The following SLC25A21 variants were observed in gnomAD, a reference collection of about 807,000 sequenced individuals.
SLC25A21 encodes the protein mitochondrial 2-oxodicarboxylate carrier.
In SLC25A21, 47 loss-of-function variants were observed where a neutral mutation model predicts 43.8. The ratio of observed to expected loss-of-function variants is 1.07; its 90% CI spans 0.85 to 1.37. The LOEUF is 1.37. Ranked by LOEUF, SLC25A21 falls within the 40% of genes most tolerant of loss-of-function variation. The pLI is 0.00. For synonymous variants in SLC25A21, 131 were observed against 121.3 expected, an observed-to-expected ratio of 1.08 and a Z score of -0.52; for missense variants, 352 against 350.2, an observed-to-expected ratio of 1.00 and a Z score of -0.04.
intron 1 of SLC25A21, among the ~76,000 whole-genome samples, chr14:37,078,132 T>C (rs977100309): frequency 3.3e-5 from 5 of 152,186 alleles, no homozygotes; most frequent in Non-Finnish European, 5.9e-5. Flanking sequence ...AAAATCTTGT[T>C]GAGATGCTTT....
intron 1 of SLC25A21, among the ~76,000 whole-genome samples, chr14:37,062,954 A>C (rs567730635): frequency 1.3e-5 from 2 of 152,234 alleles, no homozygotes; most frequent in South Asian, 4.2e-4. Flanking sequence ...AAAGAGTTTT[A>C]ATTGACTCAC....
chr14:36,766,393 T>C (rs934105710), intron 3 of SLC25A21, among the ~76,000 whole-genome samples: 2 of 152,206 alleles, frequency 1.3e-5, no homozygotes, highest in Non-Finnish European at 2.9e-5. Context: ...AAAACACTAA[T>C]CTGAAGTACA....
intron 1 of SLC25A21, among the ~76,000 whole-genome samples, chr14:37,117,766 T>G (rs1485080990): frequency 6.6e-6 from 1 of 151,986 alleles, no homozygotes; most frequent in Admixed American, 6.6e-5. Flanking sequence ...CCTTCCTAAA[T>G]GCAGAAATAC....
At chr14:36,906,218 C>G (rs1891529416) in intron 1 of SLC25A21, among the ~76,000 whole-genome samples, 1 of 152,038 alleles carries the variant, frequency 6.6e-6, no homozygotes, top group Non-Finnish European at 1.5e-5. Flanking sequence ...TGATTCAAAT[C>G]TAAAGCACTT....
chr14:37,159,015 T>C (rs1377307344), intron 1 of SLC25A21, among the ~76,000 whole-genome samples: 1 of 151,740 alleles, frequency 6.6e-6, no homozygotes, highest in Non-Finnish European at 1.5e-5. Flanking sequence ...TACCTGGAAG[T>C]AAATATAATT....
At position 37,023,942 on chromosome 14, in the gene SLC25A21, T is replaced by C. The variant is rs561538080; in HGVS notation, c.70+148339A>G. Among the ~76,000 whole-genome samples the C allele has an allele frequency of 3.9e-5, 6 of 152,206 alleles. No individual in the cohort carries two copies. The East Asian group carries it at 5.8e-4, about 15-fold the overall frequency. On this transcript the variant is annotated intron_variant, in intron 1 of 9. Coordinates refer to ENST00000331299, the MANE Select transcript of SLC25A21 (RefSeq NM_030631.4). Reference sequence around the variant, plus strand: ...CACCTTTGAATTTCAAACCGCAGCATAGTATTTAACATATACTAGGTGTTC... The same window carrying C: ...CACCTTTGAATTTCAAACCGCAGCACAGTATTTAACATATACTAGGTGTTC...
Position 36,679,593 on chromosome 14 carries a change from G to A in SLC25A21, c.*1065C>T. On this transcript the variant is annotated 3_prime_UTR_variant, in exon 10 of 10. Transcript: ENST00000331299. ...TGTTAGTATAGTAATCCTTAGAAAT[G>A]CTAAGTGTATTTCTTTTTCAGAACA... The A allele has an allele frequency of 2.0e-6, 2 of 985,312 alleles. No individual in the cohort carries two copies. The highest frequency in any genetic ancestry group is 2.4e-6 in the Non-Finnish European group (2 of 829,842). 61.0% of individuals were successfully genotyped at this position (985,312 alleles called of 1,614,324 possible).
chr14:36,928,682 C>A (rs1892201009), intron 1 of SLC25A21, among the ~76,000 whole-genome samples: 1 of 152,070 alleles, frequency 6.6e-6, no homozygotes, highest in Non-Finnish European at 1.5e-5. Flanking sequence ...GTAGAGATTG[C>A]CGAATTGCTC....
At chr14:36,868,164 AC>A (rs1481050932) in intron 2 of SLC25A21, among the ~76,000 whole-genome samples, 1 of 152,186 alleles carries the variant, frequency 6.6e-6, no homozygotes, top group Non-Finnish European at 1.5e-5. Flanking sequence ...TTTTATTTGA[AC>A]CGCTGGAGAG....
intron 3 of SLC25A21, among the ~76,000 whole-genome samples, chr14:36,740,364 A>T (rs969868584): frequency 1.3e-5 from 2 of 152,156 alleles, no homozygotes; most frequent in South Asian, 4.1e-4. Context: ...AGCAAATATG[A>T]GGAGGGGGTA....
At chr14:36,917,083 C>T (rs1891851462) in intron 1 of SLC25A21, among the ~76,000 whole-genome samples, 1 of 152,114 alleles carries the variant, frequency 6.6e-6, no homozygotes, top group Non-Finnish European at 1.5e-5. Context: ...TTGTTTCTTG[C>T]CTGGATTTTA....
intron 3 of SLC25A21, among the ~76,000 whole-genome samples, chr14:36,793,648 A>C (rs1270825813): frequency 6.6e-6 from 1 of 152,158 alleles, no homozygotes; most frequent in African/African-American, 2.4e-5. Context: ...TAATGAATCA[A>C]ATGTTTTCAA....
intron 1 of SLC25A21, among the ~76,000 whole-genome samples, chr14:37,138,831 T>C (rs17106427): frequency 0.04 from 6,165 of 152,234 alleles, 437 homozygotes; most frequent in African/African-American, 0.14. Context: ...TCCTAAAAAA[T>C]AGTCTTCAAC....
intron 3 of SLC25A21, among the ~76,000 whole-genome samples, chr14:36,785,101 T>C (rs1469006823): frequency 3.3e-5 from 5 of 152,188 alleles, no homozygotes; most frequent in African/African-American, 1.2e-4. Context: ...TTCTGTACCC[T>C]CATAGAGGAC....
chr14:36,679,563 A>C lies in SLC25A21; in HGVS notation c.*1095T>G, dbSNP rs912233671. 2.2e-5 allele frequency: 22 copies of C among 985,246 alleles called. No individual in the cohort carries two copies. In the African/African-American group the frequency reaches 3.7e-4, roughly 16 times the overall value. 61.0% of individuals were successfully genotyped at this position (985,246 alleles called of 1,614,324 possible). A position where few individuals can be genotyped will look rare whatever the true frequency, so the allele number is the denominator to read the frequency against. ...CAAGACCAAGGAGATATTTTTGTTG[A>C]TACATGTTAGTATAGTAATCCTTAG... On this transcript the variant is annotated 3_prime_UTR_variant, in exon 10 of 10. Coordinates refer to ENST00000331299, the MANE Select transcript of SLC25A21 (RefSeq NM_030631.4).
intron 7 of SLC25A21, among the ~76,000 whole-genome samples, chr14:36,692,297 G>A (rs1011009514): frequency 2.6e-5 from 4 of 152,132 alleles, no homozygotes; most frequent in Non-Finnish European, 1.5e-5. Context: ...AAACGCTGGC[G>A]GCTGTGATGT....
chr14:37,058,216 A>G (rs968829213), intron 1 of SLC25A21, among the ~76,000 whole-genome samples: 1 of 152,222 alleles, frequency 6.6e-6, no homozygotes, highest in African/African-American at 2.4e-5. Flanking sequence ...TTCAGAAAAT[A>G]TTTATTAAAT....
chr14:36,899,581 G>A (rs1222099348), intron 1 of SLC25A21, among the ~76,000 whole-genome samples: 1 of 152,190 alleles, frequency 6.6e-6, no homozygotes, highest in East Asian at 1.9e-4. Flanking sequence ...TGCATCTGAG[G>A]TTTCTCTTGC....
At chr14:36,982,452 T>A (rs1960049709) in intron 1 of SLC25A21, among the ~76,000 whole-genome samples, 1 of 152,174 alleles carries the variant, frequency 6.6e-6, no homozygotes, top group Non-Finnish European at 1.5e-5. Flanking sequence ...AACAAAATTT[T>A]AAAAATAAGC....
Sources: gnomAD v4.1 joint callset for allele counts (sites outside exome capture counted in the v4.1 genomes callset) on GRCh38, gnomAD v4.1.1 for gene constraint, MANE v1.5 for transcripts, NCBI Gene and HGNC (gene_info 2026-07-23, HGNC 2026-07-21) for gene names.